BORCS5: variants seen among roughly 807,000 people sequenced by gnomAD.
BORCS5 encodes BLOC-1-related complex subunit 5.
BORCS5 carries 17 observed loss-of-function variants against 22.1 expected under a neutral mutation model. That is an observed-to-expected ratio of 0.77 (90% confidence interval 0.53 to 1.15). The LOEUF is 1.15. Ranked by LOEUF, BORCS5 falls within the 50% of genes most tolerant of loss-of-function variation. The probability of loss-of-function intolerance (pLI) is 0.00; values close to 1 mark genes in which losing one functional copy is unlikely to be tolerated. For missense variants in BORCS5, 247 were observed against 253.2 expected, an observed-to-expected ratio of 0.98 and a Z score of 0.17; for synonymous variants, 117 against 99.8, an observed-to-expected ratio of 1.17 and a Z score of -1.03.
chr12:12,450,631 A>C lies in BORCS5; in HGVS notation c.360+14846A>C, dbSNP rs113085273. On this transcript the variant is annotated intron_variant, in intron 3 of 3. Coordinates refer to ENST00000314565, the MANE Select transcript of BORCS5 (RefSeq NM_058169.6). The stretch of plus-strand genomic sequence containing the variant: ...AAAGGCATTAAACACACTGCTCAAC[A>C]TGGTATGTATTTAATTGAAATGAGC... Among the ~76,000 whole-genome samples the C allele has an allele frequency of 5.8e-3, 891 of 152,332 alleles. 4 individuals are homozygous for C. The highest frequency in any genetic ancestry group is 0.01 in the Middle Eastern group (3 of 294).
intron 2 of BORCS5, among the ~76,000 whole-genome samples, chr12:12,393,210 G>C (rs1592081335): frequency 6.6e-6 from 1 of 152,032 alleles, no homozygotes; most frequent in Non-Finnish European, 1.5e-5. Context: ...ACTCCAGCCT[G>C]GGTGACAGAG....
chr12:12,448,653 C>A (rs998734763), intron 3 of BORCS5, among the ~76,000 whole-genome samples: 1 of 151,980 alleles, frequency 6.6e-6, no homozygotes, highest in Non-Finnish European at 1.5e-5. Flanking sequence ...CTCAGCCTCC[C>A]GAGTAGCTGG....
At chr12:12,359,619 C>T (rs567033988) in intron 1 of BORCS5, among the ~76,000 whole-genome samples, 1 of 151,768 alleles carries the variant, frequency 6.6e-6, no homozygotes, top group East Asian at 1.9e-4. Context: ...GGCTTGGCCT[C>T]CCAAAGTGCT....
chr12:12,413,796 C>A (rs1592101226), intron 2 of BORCS5, among the ~76,000 whole-genome samples: 1 of 78,214 alleles, frequency 1.3e-5, no homozygotes, highest in Non-Finnish European at 2.6e-5. Context: ...GGCAGAGGCG[C>A]CCCTCACCTC....
chr12:12,381,090 C>G (rs1029255887), intron 2 of BORCS5, among the ~76,000 whole-genome samples: 6 of 148,502 alleles, frequency 4.0e-5, no homozygotes, highest in Non-Finnish European at 7.5e-5. Context: ...CAGCTCACTG[C>G]AAACTCCACC....
At position 12,466,534 on chromosome 12, in the gene BORCS5, C is replaced by G. The variant is rs897055726; in HGVS notation, c.*758C>G. The G allele has an allele frequency of 6.6e-6, 1 of 152,094 alleles. No individual in the cohort carries two copies. Among genetic ancestry groups the G allele is most frequent in the African/African-American group, 2.4e-5 (1 of 41,408 alleles). The allele number at this position is 152,094 out of a possible 1,614,324, so 9.4% of individuals were successfully genotyped here. A position where few individuals can be genotyped will look rare whatever the true frequency, so the allele number is the denominator to read the frequency against. On this transcript the variant is annotated 3_prime_UTR_variant, in exon 4 of 4. Coordinates refer to ENST00000314565, the MANE Select transcript of BORCS5 (RefSeq NM_058169.6). ...TGTGTCCAATATTGTGCCAGGGATA[C>G]AAATATGGCCGTATAGCCTCAGGCC... is the stretch of plus-strand genomic sequence containing the variant.
intron 2 of BORCS5, among the ~76,000 whole-genome samples, chr12:12,417,425 T>C (rs1440274075): frequency 2.6e-5 from 4 of 152,186 alleles, no homozygotes. Context: ...TTGAGAAGAA[T>C]GTGTATTCTG....
intron 3 of BORCS5, among the ~76,000 whole-genome samples, chr12:12,438,360 CAAAAAAAAA>C (rs57737663): frequency 4.2e-5 from 1 of 23,810 alleles, no homozygotes; most frequent in Non-Finnish European, 6.9e-5. Context: ...GATTTCATCT[CAAAAAAAAA>C]AAAAAAAAAA....
At chr12:12,438,374 A>AAAAAAAACAAAAAAC (rs1555156024) in intron 3 of BORCS5, among the ~76,000 whole-genome samples, 2 of 125,046 alleles carry the variant, frequency 1.6e-5, no homozygotes, top group South Asian at 2.2e-4. Context: ...AAAAAAAAAA[A>AAAAAAAACAAAAAAC]AAAAAACGAA....
rs75705826 is a variant in BORCS5 at position 12,465,847 on chromosome 12, A to C, written c.*71A>C. ...CCTGAGGACGTGTGGAGCTAAGGTC[A>C]TATCATCTGACCAGGTCTGGAGGCT... On this transcript the variant is annotated 3_prime_UTR_variant, in exon 4 of 4. Coordinates refer to ENST00000314565, the MANE Select transcript of BORCS5 (RefSeq NM_058169.6). 1,474 of 1,340,970 alleles carry C rather than the reference A, an allele frequency of 1.1e-3. 11 individuals are homozygous for C. The African/African-American group carries it at 0.019, about 17-fold the overall frequency. 83.1% of individuals were successfully genotyped at this position (1,340,970 alleles called of 1,614,324 possible).
chr12:12,402,034 T>C (rs372409818), intron 2 of BORCS5, among the ~76,000 whole-genome samples: 45 of 146,454 alleles, frequency 3.1e-4, no homozygotes, highest in African/African-American at 1.0e-3. Context: ...CCACTGCACT[T>C]CAGCCTGGGC....
At chr12:12,395,970 T>A (rs908769579) in intron 2 of BORCS5, among the ~76,000 whole-genome samples, 1 of 151,846 alleles carries the variant, frequency 6.6e-6, no homozygotes, top group African/African-American at 2.4e-5. Context: ...AATGGCAGAA[T>A]GGGGAAGGGA....
chr12:12,409,493 C>T (rs12811615), intron 2 of BORCS5, among the ~76,000 whole-genome samples: 2 of 151,680 alleles, frequency 1.3e-5, no homozygotes, highest in Admixed American at 6.6e-5. Flanking sequence ...GGTTTTTTGT[C>T]CTTGCAATAG....
intron 3 of BORCS5, among the ~76,000 whole-genome samples, chr12:12,440,191 C>A (rs1335500106): frequency 6.6e-6 from 1 of 152,176 alleles, no homozygotes; most frequent in Non-Finnish European, 1.5e-5. Flanking sequence ...AGAGAGTTAG[C>A]TCAGCTTTCC....
intron 3 of BORCS5, among the ~76,000 whole-genome samples, chr12:12,440,414 G>A (rs978936385): frequency 2.6e-5 from 4 of 152,188 alleles, no homozygotes; most frequent in Non-Finnish European, 5.9e-5. Context: ...TCCTTTGGGG[G>A]TTCCAGAGAC....
At chr12:12,414,239 G>A (rs1180536965) in intron 2 of BORCS5, among the ~76,000 whole-genome samples, 1 of 74,150 alleles carries the variant, frequency 1.3e-5, no homozygotes, top group African/African-American at 6.0e-5. Context: ...CGGACGGGGC[G>A]GCTGGCCGGG....
chr12:12,450,797 A>G (rs943018388), intron 3 of BORCS5, among the ~76,000 whole-genome samples: 1 of 152,174 alleles, frequency 6.6e-6, no homozygotes, highest in African/African-American at 2.4e-5. Flanking sequence ...CTAATTTCTC[A>G]TCTCTAATAG....
intron 3 of BORCS5, among the ~76,000 whole-genome samples, chr12:12,459,548 G>A (rs1565938036): frequency 6.6e-6 from 1 of 152,154 alleles, no homozygotes. Flanking sequence ...GACCTCAGAT[G>A]ATCCACCCGT....
At chr12:12,397,096 T>C (rs1344598302) in intron 2 of BORCS5, among the ~76,000 whole-genome samples, 3 of 152,196 alleles carry the variant, frequency 2.0e-5, no homozygotes, top group African/African-American at 7.2e-5. Context: ...TGTTAAATAG[T>C]TGCAGTTCCC....
Sources: gnomAD v4.1 joint callset for allele counts (sites outside exome capture counted in the v4.1 genomes callset) on GRCh38, gnomAD v4.1.1 for gene constraint, MANE v1.5 for transcripts, NCBI Gene and HGNC (gene_info 2026-07-23, HGNC 2026-07-21) for gene names.